SCN8A: variants seen among roughly 807,000 people sequenced by gnomAD.
The protein encoded by SCN8A is sodium voltage-gated channel alpha subunit 8.
Under a neutral mutation model 184.1 loss-of-function variants are expected in SCN8A, and 30 were observed. That is an observed-to-expected ratio of 0.16 (90% CI 0.12 to 0.22). SCN8A has a LOEUF of 0.22. SCN8A is among the 10% of genes least tolerant of loss of function. SCN8A has a pLI of 1.00. For synonymous variants in SCN8A, 852 were observed against 907.0 expected (o/e 0.94, Z 1.09); for missense variants, 1,057 against 2,498.9 (o/e 0.42, Z 12.30).
At chr12:51,691,672 G>A (rs1402690555) in intron 6 of SCN8A, among the ~76,000 whole-genome samples, 1 of 152,106 alleles carries the variant, frequency 6.6e-6, no homozygotes, top group Non-Finnish European at 1.5e-5. Context: ...TAACTGGGGT[G>A]GAAAATAACA....
chr12:51,652,455 T>G (rs1940736796), intron 1 of SCN8A, among the ~76,000 whole-genome samples: 1 of 152,176 alleles, frequency 6.6e-6, no homozygotes, highest in African/African-American at 2.4e-5. Flanking sequence ...ATCAAATCAT[T>G]TTCTACTTTG....
intron 1 of SCN8A, among the ~76,000 whole-genome samples, chr12:51,623,948 C>T (rs908860886): frequency 1.4e-4 from 21 of 151,930 alleles, no homozygotes; most frequent in Admixed American, 5.3e-4. Context: ...ATGAACTCAT[C>T]GTTTATGGCT....
intron 1 of SCN8A, among the ~76,000 whole-genome samples, chr12:51,651,665 A>G (rs1411534476): frequency 6.6e-6 from 1 of 152,234 alleles, no homozygotes; most frequent in East Asian, 1.9e-4. Context: ...CATTCCCACA[A>G]CGTGGGAATT....
chr12:51,640,985 TGTAAGA>T (rs1413477598), intron 1 of SCN8A, among the ~76,000 whole-genome samples: 2 of 152,226 alleles, frequency 1.3e-5, no homozygotes, highest in Admixed American at 1.3e-4. Flanking sequence ...CAGGGAAAAG[TGTAAGA>T]GTAAGTTTTG....
chr12:51,724,566 G>T (rs1356915555), intron 12 of SCN8A, among the ~76,000 whole-genome samples: 1 of 152,272 alleles, frequency 6.6e-6, no homozygotes, highest in East Asian at 1.9e-4. Flanking sequence ...CACTAATTCT[G>T]CGAATAGGGA....
chr12:51,728,798 A>T (rs1275143802), intron 12 of SCN8A, among the ~76,000 whole-genome samples: 1 of 151,424 alleles, frequency 6.6e-6, no homozygotes, highest in Admixed American at 6.6e-5. Context: ...AGCTTTCCTT[A>T]ATTTTTGTTC....
chr12:51,626,623 C>T (rs1940084504), intron 1 of SCN8A, among the ~76,000 whole-genome samples: 1 of 152,058 alleles, frequency 6.6e-6, no homozygotes, highest in South Asian at 2.1e-4. Flanking sequence ...GATTACAGGG[C>T]TTTAATCAAA....
At chr12:51,687,787 G>A (rs1009597070) in intron 5 of SCN8A, among the ~76,000 whole-genome samples, 1 of 152,166 alleles carries the variant, frequency 6.6e-6, no homozygotes, top group Non-Finnish European at 1.5e-5. Context: ...TACTGCTCTT[G>A]CTCATTTGTG....
At chr12:51,778,913 G>A (rs1937798235) in intron 20 of SCN8A, among the ~76,000 whole-genome samples, 1 of 152,082 alleles carries the variant, frequency 6.6e-6, no homozygotes, top group Non-Finnish European at 1.5e-5. Flanking sequence ...TAGAATTTGT[G>A]TTGTAAGAAA....
Position 51,807,766 on chromosome 12 carries a change from G to T in SCN8A, c.*337G>T. 1 of 285,350 alleles carries T rather than the reference G, an allele frequency of 3.5e-6. No homozygotes were observed. Among genetic ancestry groups the T allele is most frequent in the Non-Finnish European group, 6.5e-6 (1 of 152,752 alleles). The allele number at this position is 285,350 out of a possible 1,614,324, so 17.7% of individuals were successfully genotyped here. A position where few individuals can be genotyped will look rare whatever the true frequency, so the allele number is the denominator to read the frequency against. The stretch of plus-strand genomic sequence containing the variant: ...CAGCATATTTCCGTTGCAGCCAAAT[G>T]GATTTTATTTTTTCATTTTATTGAT... On this transcript the variant is annotated 3_prime_UTR_variant, in exon 27 of 27. Coordinates refer to ENST00000627620, the MANE Select transcript of SCN8A (RefSeq NM_001330260.2). This position sits in a 1 kb window ranked among gnomAD's most constrained non-coding sequence, Gnocchi z 4.5.
At chr12:51,684,015 G>A (rs991574526) in intron 2 of SCN8A, 159 bp from the exon 3 acceptor site, 16 of 650,092 alleles carry the variant, frequency 2.5e-5, no homozygotes, top group Non-Finnish European at 4.2e-5. Context: ...AGGGAGGTGG[G>A]GCAAACATTG....
At chr12:51,693,991 G>C (rs755756257) in intron 6 of SCN8A, among the ~76,000 whole-genome samples, 1 of 152,118 alleles carries the variant, frequency 6.6e-6, no homozygotes, top group East Asian at 1.9e-4. Flanking sequence ...GGAGTGCAAC[G>C]GCCTGATCTC....
chr12:51,623,647 G>A (rs1940011932), intron 1 of SCN8A, among the ~76,000 whole-genome samples: 1 of 151,984 alleles, frequency 6.6e-6, no homozygotes, highest in Non-Finnish European at 1.5e-5. Flanking sequence ...AAGTTTTAGG[G>A]TACATGTGCA....
intron 19 of SCN8A, among the ~76,000 whole-genome samples, chr12:51,772,019 A>G (rs1035267306): frequency 1.3e-5 from 2 of 152,182 alleles, no homozygotes. Flanking sequence ...CACCTTTGAC[A>G]GTTTTTATTT....
In SCN8A at chr12:51,789,402, A is replaced by G. The variant is rs1057518667; in HGVS notation, c.4403A>G (p.Asn1468Ser). 1 of 1,613,952 alleles carries G rather than the reference A, an allele frequency of 6.2e-7. No homozygotes were observed. The highest frequency in any genetic ancestry group is 8.5e-7 in the Non-Finnish European group (1 of 1,179,870). Reference protein sequence around the residue: ...LFIGVIIDNFNQQKKKFGGQD... With the variant: ...LFIGVIIDNFSQQKKKFGGQD... ...ATTGGTGTCATCATTGATAACTTCAATCAACAAAAGAAAAAGATAGGTCTC... is the reference window on the plus strand; with the variant it reads ...ATTGGTGTCATCATTGATAACTTCAGTCAACAAAAGAAAAAGATAGGTCTC... Residue 1468 changes from asparagine to serine, a missense_variant, in exon 24 of 27, where the codon AAT becomes AGT. This residue lies in a region of SCN8A where 37 missense variants were observed against 216.1 expected (regional missense o/e 0.17). Coordinates refer to ENST00000627620, the MANE Select transcript of SCN8A (RefSeq NM_001330260.2).
intron 20 of SCN8A, chr12:51,780,226 AT>A (rs1937854216): frequency 8.8e-6 from 4 of 456,344 alleles, no homozygotes; most frequent in South Asian, 6.2e-5. Flanking sequence ...GTCTGGCTTA[AT>A]TTAATGGGGA....
chr12:51,753,921 T>C (rs1392570431), intron 14 of SCN8A, among the ~76,000 whole-genome samples: 1 of 152,234 alleles, frequency 6.6e-6, no homozygotes, highest in African/African-American at 2.4e-5. Context: ...TGAAATAAAG[T>C]ATGACCTTGT....
At chr12:51,643,247 G>A (rs1940494443) in intron 1 of SCN8A, among the ~76,000 whole-genome samples, 1 of 152,158 alleles carries the variant, frequency 6.6e-6, no homozygotes, top group African/African-American at 2.4e-5. Context: ...GGGAAACCAT[G>A]TGGACTTTGG....
At chr12:51,595,819 C>A (rs1384875017) in intron 1 of SCN8A, among the ~76,000 whole-genome samples, 1 of 152,186 alleles carries the variant, frequency 6.6e-6, no homozygotes, top group Non-Finnish European at 1.5e-5. Context: ...GTCTGAAAAG[C>A]AGACGGATGC....
Sources: gnomAD v4.1 joint callset for allele counts (sites outside exome capture counted in the v4.1 genomes callset) on GRCh38, gnomAD v4.1.1 for gene constraint, gnomAD v4.1.1 regional missense constraint, Gnocchi (gnomAD v3.1) non-coding constraint, MANE v1.5 for transcripts, NCBI Gene and HGNC (gene_info 2026-07-23, HGNC 2026-07-21) for gene names.